Variants in SLC71A1 observed in about 807,000 individuals in gnomAD.
SLC71A1 encodes the protein solute carrier family 71 member 1.
chr1:100,056,189 G>A, the SLC71A1 span, among the ~76,000 whole-genome samples: 1 of 152,010 alleles, frequency 6.6e-6, no homozygotes, highest in Non-Finnish European at 1.5e-5. Context: ...CCGGCCTCTG[G>A]TAACCATCAT....
the SLC71A1 span, among the ~76,000 whole-genome samples, chr1:100,042,770 G>GCTAATTT: frequency 2.0e-5 from 3 of 152,144 alleles, no homozygotes; most frequent in Admixed American, 2.0e-4. Context: ...ATCATGCCCA[G>GCTAATTT]CTAATTTTTG....
the SLC71A1 span, chr1:100,050,095 G>A: frequency 1.4e-5 from 10 of 702,596 alleles, no homozygotes; most frequent in East Asian, 2.6e-4. Flanking sequence ...CCTTTGCACG[G>A]TTAATTCTCC....
chr1:100,060,046 C>T, the SLC71A1 span: 6 of 1,524,952 alleles, frequency 3.9e-6, no homozygotes, highest in Non-Finnish European at 5.3e-6. Flanking sequence ...ATATCACTTT[C>T]AGCTATTGTT....
chr1:100,051,745 C>T, the SLC71A1 span, among the ~76,000 whole-genome samples: 1 of 152,112 alleles, frequency 6.6e-6, no homozygotes, highest in Admixed American at 6.6e-5. Context: ...TCTGGTAGAC[C>T]ATCACTCCTA....
the SLC71A1 span, among the ~76,000 whole-genome samples, chr1:100,064,069 A>G: frequency 2.0e-5 from 3 of 152,218 alleles, no homozygotes; most frequent in African/African-American, 7.2e-5. Flanking sequence ...CTGCAATAAC[A>G]AAATAACCAC....
chr1:100,052,424 C>CTTT, the SLC71A1 span, among the ~76,000 whole-genome samples: 87 of 119,632 alleles, frequency 7.3e-4, no homozygotes, highest in East Asian at 1.4e-3. Context: ...TAATATATTC[C>CTTT]TTTTTTTTTT....
chr1:100,040,384 A>G, the SLC71A1 span, among the ~76,000 whole-genome samples: 5 of 152,222 alleles, frequency 3.3e-5, no homozygotes, highest in Non-Finnish European at 1.5e-5. Flanking sequence ...TATTGCAGTC[A>G]TAGAAATGAT....
the SLC71A1 span, chr1:100,080,663 A>G: frequency 2.5e-6 from 4 of 1,611,518 alleles, no homozygotes; most frequent in Middle Eastern, 1.7e-4. Context: ...TGAACAGGTA[A>G]TTCTCATTCA....
At chr1:100,038,379 C>CCCCA in the SLC71A1 span, 3 of 1,305,864 alleles carry the variant, frequency 2.3e-6, no homozygotes, top group Middle Eastern at 1.8e-4. Flanking sequence ...TCCTTCAGAC[C>CCCCA]CCCACACTGC....
the SLC71A1 span, among the ~76,000 whole-genome samples, chr1:100,050,428 C>T: frequency 8.5e-5 from 13 of 152,228 alleles, no homozygotes; most frequent in Admixed American, 2.6e-4. Flanking sequence ...TTTAATAGAT[C>T]TAAGCTGATT....
At chr1:100,059,154 T>G in the SLC71A1 span, among the ~76,000 whole-genome samples, 1 of 130,824 alleles carries the variant, frequency 7.6e-6, no homozygotes, top group Non-Finnish European at 1.6e-5. Flanking sequence ...GTTTTTTTTT[T>G]TTTTTTTTTT....
At chr1:100,050,618 T>C in the SLC71A1 span, among the ~76,000 whole-genome samples, 1 of 152,200 alleles carries the variant, frequency 6.6e-6, no homozygotes, top group Non-Finnish European at 1.5e-5. Context: ...ATGTACAGTT[T>C]ACCAAATCCT....
At chr1:100,041,730 C>A in the SLC71A1 span, among the ~76,000 whole-genome samples, 3 of 152,108 alleles carry the variant, frequency 2.0e-5, no homozygotes, top group African/African-American at 7.2e-5. Context: ...CTGAGACTAG[C>A]CTGGCCAACA....
chr1:100,059,863 A>G, the SLC71A1 span: 1 of 1,588,152 alleles, frequency 6.3e-7, no homozygotes, highest in African/African-American at 1.4e-5. Flanking sequence ...CATTTTTTTC[A>G]TTTAATTTTT....
chr1:100,074,171 C>A, the SLC71A1 span, among the ~76,000 whole-genome samples: 5 of 152,174 alleles, frequency 3.3e-5, no homozygotes, highest in Non-Finnish European at 5.9e-5. Flanking sequence ...GAGGTTCTCA[C>A]AGCAGTGGGC....
chr1:100,045,813 AAAAT>A, the SLC71A1 span, among the ~76,000 whole-genome samples: 3 of 151,246 alleles, frequency 2.0e-5, no homozygotes, highest in Admixed American at 6.6e-5. Context: ...ACTCTGTCTC[AAAAT>A]AAATAAATAA....
the SLC71A1 span, among the ~76,000 whole-genome samples, chr1:100,064,582 C>T: frequency 6.6e-6 from 1 of 152,178 alleles, no homozygotes; most frequent in African/African-American, 2.4e-5. Context: ...CTTCTGTCAC[C>T]ATGGTTTTGC....
At chr1:100,080,461 A>G in the SLC71A1 span, 2 of 1,574,324 alleles carry the variant, frequency 1.3e-6, no homozygotes, top group East Asian at 4.5e-5. Context: ...AAAACCAGGT[A>G]GTTTACTAAG....
chr1:100,058,598 G>T, the SLC71A1 span: 1 of 833,864 alleles, frequency 1.2e-6, no homozygotes, highest in Admixed American at 2.0e-5. Context: ...GTTCAAAAAG[G>T]TAAATGTAGA....
Sources: gnomAD v4.1 joint callset for allele counts (sites outside exome capture counted in the v4.1 genomes callset) on GRCh38, gnomAD v4.1.1 for gene constraint, MANE v1.5 for transcripts, NCBI Gene and HGNC (gene_info 2026-07-23, HGNC 2026-07-21) for gene names.